Variants in RSRC1 observed in about 807,000 individuals in gnomAD.
RSRC1 encodes the protein serine/Arginine-related protein 53.
RSRC1 carries 39 observed loss-of-function variants against 49.1 expected under a neutral mutation model. That is an observed-to-expected ratio of 0.79 (90% CI 0.61 to 1.04). RSRC1 has a LOEUF of 1.04. Among genes scored for constraint, RSRC1 ranks in the 50% least tolerant of loss-of-function variants. The probability of loss-of-function intolerance (pLI) is 0.00; values close to 1 mark genes in which losing one functional copy is unlikely to be tolerated. For synonymous variants in RSRC1, 143 were observed against 130.8 expected (o/e 1.09, Z -0.63); for missense variants, 388 against 402.4 (o/e 0.96, Z 0.31).
At chr3:158,533,277 AAAG>A (rs1395434021) in intron 7 of RSRC1, among the ~76,000 whole-genome samples, 2 of 151,798 alleles carry the variant, frequency 1.3e-5, no homozygotes, top group Non-Finnish European at 3.0e-5. Flanking sequence ...TTGAAACAAA[AAAG>A]CTATGTTGGT....
At chr3:158,254,769 G>A (rs1029200405) in intron 4 of RSRC1, among the ~76,000 whole-genome samples, 2 of 152,050 alleles carry the variant, frequency 1.3e-5, no homozygotes, top group African/African-American at 4.8e-5. Flanking sequence ...TCTAACTGGT[G>A]TGAAATGGTA....
intron 4 of RSRC1, among the ~76,000 whole-genome samples, chr3:158,226,627 A>T (rs151130346): frequency 6.6e-6 from 1 of 151,918 alleles, no homozygotes; most frequent in African/African-American, 2.4e-5. Context: ...CAGTGACTCC[A>T]TGGTAAAGTA....
chr3:158,256,968 T>A lies in RSRC1; in HGVS notation c.495-41071T>A, dbSNP rs569205365. 4.6e-5 allele frequency among the ~76,000 whole-genome samples: 7 copies of A among 152,304 alleles called. No individual in the cohort carries two copies. The South Asian group carries it at 1.0e-3, about 23-fold the overall frequency. On this transcript the variant is annotated intron_variant, in intron 4 of 9. Transcript: ENST00000611884. ...TATTTAATTCTTCTCTCTTTTCTTC[T>A]TTAATAGTCTTGCTAGTGGTCTGTC...
At chr3:158,523,146 T>G (rs1313622815) in intron 7 of RSRC1, among the ~76,000 whole-genome samples, 1 of 152,106 alleles carries the variant, frequency 6.6e-6, no homozygotes, top group Non-Finnish European at 1.5e-5. Context: ...TAGGCATTTT[T>G]TAAGTGTTGT....
chr3:158,213,539 G>T (rs920933158), intron 4 of RSRC1, among the ~76,000 whole-genome samples: 1 of 151,910 alleles, frequency 6.6e-6, no homozygotes, highest in Non-Finnish European at 1.5e-5. Context: ...TTACATATGT[G>T]ATGATCACTA....
intron 6 of RSRC1, among the ~76,000 whole-genome samples, chr3:158,409,637 G>A (rs1300222433): frequency 6.6e-6 from 1 of 152,060 alleles, no homozygotes; most frequent in African/African-American, 2.4e-5. Context: ...AGACTGACTG[G>A]CACATGGTAG....
At chr3:158,518,826 C>T (rs967985088) in intron 7 of RSRC1, among the ~76,000 whole-genome samples, 4 of 152,138 alleles carry the variant, frequency 2.6e-5, no homozygotes, top group Admixed American at 2.6e-4. Context: ...GGTTTTTCTA[C>T]CAGCGTGACC....
chr3:158,268,697 T>C (rs1213492441), intron 4 of RSRC1, among the ~76,000 whole-genome samples: 1 of 152,208 alleles, frequency 6.6e-6, no homozygotes, highest in Non-Finnish European at 1.5e-5. Flanking sequence ...ACTTAGTTAT[T>C]ATAATTGTTT....
At chr3:158,194,012 G>A (rs1720391623) in intron 3 of RSRC1, among the ~76,000 whole-genome samples, 1 of 151,152 alleles carries the variant, frequency 6.6e-6, no homozygotes, top group Admixed American at 6.6e-5. Flanking sequence ...TTGAAGCTAG[G>A]AGTTTAAGAC....
rs554501425 is a variant in RSRC1 at position 158,170,880 on chromosome 3, C to G, written c.321-32192C>G. On this transcript the variant is annotated intron_variant, in intron 3 of 9. Coordinates refer to ENST00000611884, the MANE Select transcript of RSRC1 (RefSeq NM_001271838.2). ...TGTAGAGCTCTTATTCATTTTTCCT[C>G]TCTCTTTTCTTTCTCTGCTTTGCCC... is the stretch of plus-strand genomic sequence containing the variant. Among the ~76,000 whole-genome samples the G allele has an allele frequency of 2.0e-5, 3 of 152,236 alleles. No individual in the cohort carries two copies. The South Asian group carries it at 6.2e-4, about 32-fold the overall frequency.
At chr3:158,472,980 G>T (rs967582993) in intron 7 of RSRC1, among the ~76,000 whole-genome samples, 2 of 152,148 alleles carry the variant, frequency 1.3e-5, no homozygotes, top group African/African-American at 4.8e-5. Context: ...TCTCACACCA[G>T]TTAGAATGGC....
chr3:158,448,879 G>C (rs752601086), intron 6 of RSRC1, among the ~76,000 whole-genome samples: 11 of 151,798 alleles, frequency 7.2e-5, no homozygotes, highest in Admixed American at 2.6e-4. Context: ...AAAGGAAAAA[G>C]CTTTTACTTT....
chr3:158,141,333 G>A (rs1170346016), intron 3 of RSRC1, among the ~76,000 whole-genome samples: 1 of 152,098 alleles, frequency 6.6e-6, no homozygotes, highest in Non-Finnish European at 1.5e-5. Flanking sequence ...ATGTCAAAGG[G>A]TGAATCTGAT....
At chr3:158,359,262 G>A (rs1347370613) in intron 6 of RSRC1, among the ~76,000 whole-genome samples, 3 of 152,036 alleles carry the variant, frequency 2.0e-5, no homozygotes, top group African/African-American at 4.8e-5. Flanking sequence ...TTGTATTTGG[G>A]GGCTTCTCTT....
intron 7 of RSRC1, among the ~76,000 whole-genome samples, chr3:158,518,587 A>G (rs1329149365): frequency 6.6e-6 from 1 of 152,106 alleles, no homozygotes; most frequent in Non-Finnish European, 1.5e-5. Context: ...CATATCCTCC[A>G]TAATCTGGGA....
chr3:158,335,202 T>C (rs1186025173), intron 5 of RSRC1, among the ~76,000 whole-genome samples: 1 of 152,176 alleles, frequency 6.6e-6, no homozygotes, highest in East Asian at 1.9e-4. Context: ...TTGAATATTC[T>C]GTAGATTGTG....
chr3:158,332,818 GTT>G (rs1195308955), intron 5 of RSRC1, among the ~76,000 whole-genome samples: 1 of 151,692 alleles, frequency 6.6e-6, no homozygotes, highest in Non-Finnish European at 1.5e-5. Context: ...ATTTTACATA[GTT>G]TTGTAGTTTT....
chr3:158,346,732 A>G (rs1214135105), intron 5 of RSRC1, among the ~76,000 whole-genome samples: 2 of 152,244 alleles, frequency 1.3e-5, no homozygotes, highest in African/African-American at 4.8e-5. Flanking sequence ...AGTTAAACAT[A>G]TATTTACCAT....
intron 6 of RSRC1, among the ~76,000 whole-genome samples, chr3:158,446,271 ATGT>A (rs879904266): frequency 4.7e-5 from 6 of 126,410 alleles, no homozygotes; most frequent in Non-Finnish European, 8.5e-5. Context: ...TTATTTTCTG[ATGT>A]TGTTGCAAGG....
Sources: allele counts gnomAD v4.1 joint callset (sites outside exome capture counted in the v4.1 genomes callset), GRCh38; gene constraint gnomAD v4.1.1; transcripts MANE v1.5; gene names NCBI Gene and HGNC (gene_info 2026-07-23, HGNC 2026-07-21).